MOBP: variants seen among roughly 807,000 people sequenced by gnomAD.
MOBP encodes the protein myelin associated oligodendrocyte basic protein.
MOBP carries 5 observed loss-of-function variants against 15.0 expected under a neutral mutation model. That is an observed-to-expected ratio of 0.33 (90% CI 0.17 to 0.70). MOBP has a LOEUF of 0.70. Ranked by LOEUF, MOBP falls within the 30% of genes least tolerant of loss-of-function variation. The probability of loss-of-function intolerance (pLI) is 0.67; values close to 1 mark genes in which losing one functional copy is unlikely to be tolerated. For synonymous variants in MOBP, 88 were observed against 99.0 expected (o/e 0.89, Z 0.66); for missense variants, 188 against 257.8 (o/e 0.73, Z 1.85).
chr3:39,498,141 G>A (rs2042912774), intron 2 of MOBP, among the ~76,000 whole-genome samples: 1 of 152,186 alleles, frequency 6.6e-6, no homozygotes, highest in South Asian at 2.1e-4. Flanking sequence ...TATTTCCAAG[G>A]AATTTACTAG....
At chr3:39,513,471 T>G in exon 5 of MOBP, 1 of 1,574,726 alleles carries the variant, frequency 6.4e-7, no homozygotes, top group Non-Finnish European at 8.7e-7. Context: ...CTGGACTCAT[T>G]GCTTCACAAC....
intron 2 of MOBP, among the ~76,000 whole-genome samples, chr3:39,499,070 A>T (rs1671381703): frequency 6.6e-6 from 1 of 152,128 alleles, no homozygotes; most frequent in South Asian, 2.1e-4. Flanking sequence ...CGTTTGGGAA[A>T]AGGTGACCCT....
At chr3:39,498,784 C>A (rs1173694685) in intron 2 of MOBP, among the ~76,000 whole-genome samples, 5 of 152,042 alleles carry the variant, frequency 3.3e-5, no homozygotes, top group Admixed American at 2.0e-4. Context: ...CGGACATGGT[C>A]GGGGGAGACA....
chr3:39,480,742 T>G (rs2042616620), intron 2 of MOBP, among the ~76,000 whole-genome samples: 1 of 152,154 alleles, frequency 6.6e-6, no homozygotes, highest in Admixed American at 6.6e-5. Flanking sequence ...GGCTGCCCAC[T>G]CCCTCTCCAC....
At chr3:39,522,838 A>G (rs900753592) in intron 3 of MOBP, among the ~76,000 whole-genome samples, 3 of 152,224 alleles carry the variant, frequency 2.0e-5, no homozygotes, top group Admixed American at 2.0e-4. Flanking sequence ...CAGTTATTCA[A>G]TAATTTCATC....
At chr3:39,525,012 G>T (rs1237235417), downstream of MOBP, 1 of 151,946 alleles carries the variant, frequency 6.6e-6, no homozygotes, top group Non-Finnish European at 1.5e-5. Context: ...ATTGCATATT[G>T]CCCAATAAGC....
At chr3:39,489,694 C>CCG (rs10662377) in intron 2 of MOBP, among the ~76,000 whole-genome samples, 19 of 150,888 alleles carry the variant, frequency 1.3e-4, no homozygotes, top group African/African-American at 4.2e-4. Flanking sequence ...GTTCCCCGCC[C>CCG]AGCTCCTGTC....
chr3:39,480,179 A>T (rs1185640825), intron 2 of MOBP, 56 bp downstream of exon 2: 2 of 152,324 alleles, frequency 1.3e-5, no homozygotes, highest in East Asian at 3.9e-4. Context: ...TTGCATAATG[A>T]TGACTAGTAT....
At chr3:39,496,803 A>T (rs1768233) in intron 2 of MOBP, among the ~76,000 whole-genome samples, 41,880 of 151,936 alleles carry the variant, frequency 0.28, 6,907 homozygotes, top group African/African-American at 0.46. Context: ...AGTTGGGATT[A>T]CAGGAATGCA....
chr3:39,495,873 A>G (rs2042873208), intron 2 of MOBP, among the ~76,000 whole-genome samples: 1 of 152,024 alleles, frequency 6.6e-6, no homozygotes, highest in South Asian at 2.1e-4. Flanking sequence ...TTGAAAAAAA[A>G]TGAAGTAGAT....
At chr3:39,503,976 G>T (rs1332905359), downstream of MOBP, among the ~76,000 whole-genome samples, 14 of 152,064 alleles carry the variant, frequency 9.2e-5, no homozygotes, top group Non-Finnish European at 1.8e-4. Context: ...CCCCGCAAAG[G>T]TACAGTTATG....
At chr3:39,521,197 C>T (rs761535410) in intron 3 of MOBP, among the ~76,000 whole-genome samples, 3 of 152,252 alleles carry the variant, frequency 2.0e-5, no homozygotes, top group South Asian at 2.1e-4. Flanking sequence ...TTAATCCTCC[C>T]GCCTCAGCCT....
intron 2 of MOBP, among the ~76,000 whole-genome samples, chr3:39,493,251 T>C (rs1708104): frequency 0.74 from 112,811 of 152,112 alleles, 43,103 homozygotes; most frequent in African/African-American, 0.91. Flanking sequence ...GCTGTGTTTA[T>C]AGATACTATG....
chr3:39,496,237 C>CG (rs1239861497), intron 2 of MOBP, among the ~76,000 whole-genome samples: 1 of 145,828 alleles, frequency 6.9e-6, no homozygotes, highest in Admixed American at 6.9e-5. Context: ...CTTGCTCTGT[C>CG]GCCCAGGCTG....
intron 2 of MOBP, among the ~76,000 whole-genome samples, chr3:39,501,219 A>G (rs933360903): frequency 6.6e-5 from 10 of 152,350 alleles, no homozygotes; most frequent in East Asian, 1.9e-4. Flanking sequence ...TTGTAATTAC[A>G]TACTGCACAT....
At chr3:39,520,405 T>C (rs1314831231), downstream of MOBP, among the ~76,000 whole-genome samples, 1 of 152,196 alleles carries the variant, frequency 6.6e-6, no homozygotes, top group Non-Finnish European at 1.5e-5. Context: ...GAACACAGCT[T>C]CTCTTGTGAC....
intron 2 of MOBP, among the ~76,000 whole-genome samples, chr3:39,494,216 A>G (rs1327714113): frequency 2.0e-5 from 3 of 152,166 alleles, no homozygotes; most frequent in Non-Finnish European, 4.4e-5. Flanking sequence ...TTCTTCCCCA[A>G]TTTTCTCATC....
chr3:39,488,980 C>A (rs142954548), intron 2 of MOBP, among the ~76,000 whole-genome samples: 1 of 152,120 alleles, frequency 6.6e-6, no homozygotes, highest in Non-Finnish European at 1.5e-5. Context: ...ACCTTCCTAT[C>A]CTTCCCATTC....
intron 2 of MOBP, among the ~76,000 whole-genome samples, chr3:39,499,274 G>T (rs999468268): frequency 6.6e-6 from 1 of 152,166 alleles, no homozygotes; most frequent in Admixed American, 6.5e-5. Context: ...CTTAGCAGAC[G>T]TTTAGGGTCT....
Sources: gnomAD v4.1 joint callset for allele counts (sites outside exome capture counted in the v4.1 genomes callset) on GRCh38, gnomAD v4.1.1 for gene constraint, MANE v1.5 for transcripts, NCBI Gene and HGNC (gene_info 2026-07-23, HGNC 2026-07-21) for gene names.